Variants in LMBR1 observed in about 807,000 individuals in gnomAD.
LMBR1 encodes limb development membrane protein 1.
A neutral mutation model predicts 73.9 loss-of-function variants in LMBR1; 52 were observed. The observed-to-expected ratio is 0.70, with a 90% confidence interval of 0.56 to 0.89. The LOEUF is 0.89. Ranked by LOEUF, LMBR1 falls within the 40% of genes least tolerant of loss-of-function variation. LMBR1 has a pLI of 0.00. For missense variants in LMBR1, 539 were observed against 579.8 expected (o/e 0.93, Z 0.72); for synonymous variants, 215 against 209.4 (o/e 1.03, Z -0.23).
At chr7:156,736,406 C>T (rs1817876643) in intron 9 of LMBR1, 1 of 391,884 alleles carries the variant, frequency 2.6e-6, no homozygotes, top group Admixed American at 3.0e-5. Context: ...TTATTTTATA[C>T]TTTCTATACT....
At chr7:156,872,338 C>T (rs963713153) in intron 1 of LMBR1, 1 of 151,824 alleles carries the variant, frequency 6.6e-6, no homozygotes, top group Non-Finnish European at 1.5e-5. Context: ...TACAATAGCA[C>T]AAAAAAAGAA....
intron 9 of LMBR1, among the ~76,000 whole-genome samples, chr7:156,753,096 T>C (rs902626161): frequency 1.3e-5 from 2 of 152,084 alleles, no homozygotes; most frequent in Admixed American, 1.3e-4. Flanking sequence ...AGTAGGATGC[T>C]TGATTGTAAG....
chr7:156,802,301 T>G (rs1430489215), intron 4 of LMBR1, among the ~76,000 whole-genome samples: 1 of 152,196 alleles, frequency 6.6e-6, no homozygotes, highest in East Asian at 1.9e-4. Context: ...TCTTATATTC[T>G]TTAGAGATGC....
intron 15 of LMBR1, among the ~76,000 whole-genome samples, chr7:156,691,922 T>C (rs1772984756): frequency 6.6e-6 from 1 of 152,154 alleles, no homozygotes; most frequent in Admixed American, 6.5e-5. Flanking sequence ...ACAAAGAGTA[T>C]GAAATAATGA....
chr7:156,810,604 G>A (rs1233782228), intron 4 of LMBR1, among the ~76,000 whole-genome samples: 2 of 151,564 alleles, frequency 1.3e-5, no homozygotes, highest in African/African-American at 4.9e-5. Flanking sequence ...TGTTGGCCAG[G>A]CTGGTCTCAA....
intron 9 of LMBR1, among the ~76,000 whole-genome samples, chr7:156,734,892 T>C (rs1445466503): frequency 6.6e-6 from 1 of 152,208 alleles, no homozygotes; most frequent in Non-Finnish European, 1.5e-5. Flanking sequence ...ATGTATCATA[T>C]GCATGGTTTT....
intron 1 of LMBR1, among the ~76,000 whole-genome samples, chr7:156,851,533 C>T (rs930226566): frequency 3.3e-5 from 5 of 152,036 alleles, no homozygotes; most frequent in African/African-American, 7.3e-5. Flanking sequence ...CAAGAATGGA[C>T]GACTATACAC....
intron 5 of LMBR1, chr7:156,779,806 C>T (rs1272409089): frequency 1.3e-5 from 7 of 536,826 alleles, no homozygotes; most frequent in Non-Finnish European, 2.2e-5. Flanking sequence ...CTTCTACATT[C>T]ACAGAACATT....
intron 1 of LMBR1, among the ~76,000 whole-genome samples, chr7:156,874,283 G>A (rs1246965934): frequency 1.3e-5 from 2 of 152,262 alleles, no homozygotes; most frequent in Non-Finnish European, 2.9e-5. Context: ...AGCAGGGCCG[G>A]CTGGCTGCTC....
At chr7:156,769,996 G>A (rs1824881882) in intron 5 of LMBR1, among the ~76,000 whole-genome samples, 1 of 152,020 alleles carries the variant, frequency 6.6e-6, no homozygotes. Context: ...CGCCTCTCCT[G>A]ACACACCACT....
At chr7:156,836,756 C>T in intron 2 of LMBR1, 57 bp downstream of exon 2, 1 of 1,101,154 alleles carries the variant, frequency 9.1e-7, no homozygotes, top group Non-Finnish European at 1.3e-6. Context: ...TCTTATATAC[C>T]ATGCCTAGAC....
At chr7:156,754,415 G>GT (rs1186019302) in intron 9 of LMBR1, among the ~76,000 whole-genome samples, 4 of 152,064 alleles carry the variant, frequency 2.6e-5, no homozygotes, top group Non-Finnish European at 4.4e-5. Context: ...TGGCTGTCAT[G>GT]TTTTTTTGCA....
At position 156,682,319 on chromosome 7, in the gene LMBR1, C is replaced by T. The variant is rs1805201672; in HGVS notation, c.*1759G>A. On this transcript the variant is annotated 3_prime_UTR_variant, in exon 17 of 17. Coordinates refer to ENST00000353442, the MANE Select transcript of LMBR1 (RefSeq NM_022458.4). Reference sequence around the variant, plus strand: ...AAGTGAGAAGTGATATTACTCTACTCCTGAGTTTCTTTCTGTTCTTCCCTT... The same window carrying T: ...AAGTGAGAAGTGATATTACTCTACTTCTGAGTTTCTTTCTGTTCTTCCCTT... 2 of 152,188 alleles carry T rather than the reference C, an allele frequency of 1.3e-5. No individual in the cohort carries two copies. The highest frequency in any genetic ancestry group is 4.1e-4 in the South Asian group (2 of 4,830). 9.4% of individuals were successfully genotyped at this position (152,188 alleles called of 1,614,324 possible).
intron 1 of LMBR1, among the ~76,000 whole-genome samples, chr7:156,855,271 G>T (rs965291609): frequency 2.6e-5 from 4 of 152,104 alleles, no homozygotes; most frequent in Admixed American, 1.3e-4. Context: ...AATGAAGAAT[G>T]CTTTAATGAG....
At chr7:156,821,081 T>C (rs775343741) in intron 4 of LMBR1, among the ~76,000 whole-genome samples, 1 of 152,346 alleles carries the variant, frequency 6.6e-6, no homozygotes, top group East Asian at 1.9e-4. Flanking sequence ...CAAGTTACCA[T>C]GGGACCTGAG....
At chr7:156,705,529 A>G (rs187485040) in intron 15 of LMBR1, among the ~76,000 whole-genome samples, 3 of 152,368 alleles carry the variant, frequency 2.0e-5, no homozygotes, top group Admixed American at 1.3e-4. Context: ...ACTGCACTCC[A>G]GCTGGGAGAC....
intron 9 of LMBR1, among the ~76,000 whole-genome samples, chr7:156,739,073 G>A (rs1359385708): frequency 6.6e-6 from 1 of 152,120 alleles, no homozygotes; most frequent in African/African-American, 2.4e-5. Flanking sequence ...TTCTAGACCT[G>A]CCCTGGGACA....
chr7:156,706,898 A>C (rs1470534378), intron 15 of LMBR1, among the ~76,000 whole-genome samples: 1 of 151,746 alleles, frequency 6.6e-6, no homozygotes, highest in African/African-American at 2.4e-5. Context: ...CAAAAAAAAA[A>C]CAATAAAATA....
intron 1 of LMBR1, among the ~76,000 whole-genome samples, chr7:156,877,565 T>C (rs1800365597): frequency 6.6e-6 from 1 of 152,182 alleles, no homozygotes; most frequent in Admixed American, 6.5e-5. Flanking sequence ...GTGGGTTTCA[T>C]ACCACAGATG....
Sources: allele counts gnomAD v4.1 joint callset (sites outside exome capture counted in the v4.1 genomes callset), GRCh38; gene constraint gnomAD v4.1.1; transcripts MANE v1.5; gene names NCBI Gene and HGNC (gene_info 2026-07-23, HGNC 2026-07-21).